Variants in ADGRV1 observed in about 807,000 individuals in gnomAD.
ADGRV1 encodes the protein adhesion G protein-coupled receptor V1, also known as G-protein coupled receptor 98.
Under a neutral mutation model 596.2 loss-of-function variants are expected in ADGRV1, and 359 were observed. The observed-to-expected ratio is 0.60, with a 90% CI of 0.55 to 0.66. ADGRV1 has a LOEUF of 0.66. Ranked by LOEUF, ADGRV1 falls within the 30% of genes least tolerant of loss-of-function variation. The pLI is 0.00. For missense variants in ADGRV1, 7,274 were observed against 7,575.6 expected (o/e 0.96, Z 1.48); for synonymous variants, 2,681 against 2,679.2 (o/e 1.00, Z -0.02).
chr5:90,758,798 A>G (rs1323289892), intron 57 of ADGRV1, among the ~76,000 whole-genome samples: 1 of 152,218 alleles, frequency 6.6e-6, no homozygotes, highest in East Asian at 1.9e-4. Flanking sequence ...TCAGTTTATA[A>G]AAACTTTTAA....
At chr5:91,075,067 C>T (rs80242829) in intron 86 of ADGRV1, among the ~76,000 whole-genome samples, 1 of 152,080 alleles carries the variant, frequency 6.6e-6, no homozygotes, top group East Asian at 1.9e-4. Flanking sequence ...TTAGGTTCCT[C>T]ATAGGTTCTG....
chr5:91,055,974 T>G (rs79956589), intron 85 of ADGRV1, among the ~76,000 whole-genome samples: 23,208 of 152,228 alleles, frequency 0.15, 2,014 homozygotes, highest in Admixed American at 0.28. Context: ...TTTGATGAAC[T>G]GTTGGAAAGC....
At chr5:90,958,299 AAAAAG>A (rs1404270508) in intron 83 of ADGRV1, among the ~76,000 whole-genome samples, 1,970 of 143,416 alleles carry the variant, frequency 0.014, 39 homozygotes, top group African/African-American at 0.039. Flanking sequence ...AAAAAAAAAA[AAAAAG>A]AAAAGAAAAG....
At chr5:91,140,490 G>A (rs1476440455) in intron 87 of ADGRV1, among the ~76,000 whole-genome samples, 1 of 152,034 alleles carries the variant, frequency 6.6e-6, no homozygotes, top group Non-Finnish European at 1.5e-5. Context: ...TGGTATTTTT[G>A]TAATTTTTTA....
At chr5:90,852,138 C>G (rs183403392) in intron 79 of ADGRV1, among the ~76,000 whole-genome samples, 1 of 152,242 alleles carries the variant, frequency 6.6e-6, no homozygotes, top group Admixed American at 6.5e-5. Flanking sequence ...GGACCTAGAG[C>G]CCCAGGTGAA....
chr5:90,696,820 A>G, intron 33 of ADGRV1, 117 bp from the exon 34 acceptor site: 1 of 658,876 alleles, frequency 1.5e-6, no homozygotes, highest in East Asian at 2.8e-5. Flanking sequence ...TGGAACTGTT[A>G]TAATTCACTC....
At chr5:90,806,653 A>G (rs536355567) in intron 72 of ADGRV1, among the ~76,000 whole-genome samples, 1 of 152,268 alleles carries the variant, frequency 6.6e-6, no homozygotes, top group South Asian at 2.1e-4. Flanking sequence ...TTGTGCTTAC[A>G]TATCACATTA....
At chr5:90,814,663 C>A (rs562192976) in intron 74 of ADGRV1, among the ~76,000 whole-genome samples, 1 of 152,090 alleles carries the variant, frequency 6.6e-6, no homozygotes, top group Non-Finnish European at 1.5e-5. Flanking sequence ...CTTTGCTTCC[C>A]CTTCCACCGT....
chr5:91,155,369 T>C (rs1796392662), intron 89 of ADGRV1, among the ~76,000 whole-genome samples: 1 of 152,108 alleles, frequency 6.6e-6, no homozygotes, highest in African/African-American at 2.4e-5. Flanking sequence ...GAACCAGTGC[T>C]GCAGTGTGGC....
At chr5:90,657,038 T>C (rs2149477276) in intron 20 of ADGRV1, among the ~76,000 whole-genome samples, 1 of 152,180 alleles carries the variant, frequency 6.6e-6, no homozygotes, top group Non-Finnish European at 1.5e-5. Context: ...TTCTTATGAA[T>C]TCTCACAACT....
At chr5:90,616,765 C>T (rs1763419111) in intron 2 of ADGRV1, among the ~76,000 whole-genome samples, 1 of 152,088 alleles carries the variant, frequency 6.6e-6, no homozygotes, top group South Asian at 2.1e-4. Flanking sequence ...CATTATAATT[C>T]CTCTCTTCTA....
intron 52 of ADGRV1, among the ~76,000 whole-genome samples, 183 bp from the exon 53 acceptor site, chr5:90,750,368 C>T (rs1486209112): frequency 6.6e-6 from 1 of 152,052 alleles, no homozygotes; most frequent in Non-Finnish European, 1.5e-5. Context: ...GTTACTTATT[C>T]AAACATGTGT....
chr5:91,055,599 G>A (rs1200307777), intron 85 of ADGRV1, among the ~76,000 whole-genome samples: 1 of 152,164 alleles, frequency 6.6e-6, no homozygotes, highest in Non-Finnish European at 1.5e-5. Context: ...AAGCAGTGCT[G>A]GTGCTCAAAG....
At chr5:90,592,440 A>G (rs929755858) in intron 1 of ADGRV1, among the ~76,000 whole-genome samples, 3 of 146,524 alleles carry the variant, frequency 2.0e-5, no homozygotes, top group East Asian at 1.9e-4. Flanking sequence ...GAATGATACA[A>G]TGGATTTTGG....
At chr5:90,591,827 TTAGGCATTGCGCTAAG>T (rs1361890867) in intron 1 of ADGRV1, among the ~76,000 whole-genome samples, 1 of 152,352 alleles carries the variant, frequency 6.6e-6, no homozygotes, top group East Asian at 1.9e-4. Flanking sequence ...TTAACATAAC[TTAGGCATTGCGCTAAG>T]TATATTACAT....
chr5:90,807,522 A>T (rs1276291888), intron 72 of ADGRV1, 80 bp from the exon 73 acceptor site: 2 of 1,319,372 alleles, frequency 1.5e-6, no homozygotes, highest in Non-Finnish European at 2.1e-6. Context: ...AAGAAAATAC[A>T]CTACTACAGT....
intron 29 of ADGRV1, among the ~76,000 whole-genome samples, chr5:90,688,083 G>A (rs538648229): frequency 1.4e-3 from 206 of 152,090 alleles, no homozygotes; most frequent in African/African-American, 4.9e-3. Flanking sequence ...AGCCCGCATC[G>A]CCGAGTCAAT....
chr5:90,966,580 G>A (rs1778494123), intron 84 of ADGRV1, among the ~76,000 whole-genome samples: 1 of 150,674 alleles, frequency 6.6e-6, no homozygotes, highest in Admixed American at 6.6e-5. Flanking sequence ...GCACTGGGAA[G>A]CTATTGGCTT....
chr5:90,764,641 G>A (rs1485536265), intron 59 of ADGRV1, among the ~76,000 whole-genome samples: 1 of 152,144 alleles, frequency 6.6e-6, no homozygotes, highest in African/African-American at 2.4e-5. Flanking sequence ...CTTATGGGCA[G>A]CCTACACTGT....
Sources: gnomAD v4.1 joint callset for allele counts (sites outside exome capture counted in the v4.1 genomes callset) on GRCh38, gnomAD v4.1.1 for gene constraint, MANE v1.5 for transcripts, NCBI Gene and HGNC (gene_info 2026-07-23, HGNC 2026-07-21) for gene names.